Variants in MKLN1 observed in about 807,000 individuals in gnomAD.
MKLN1 encodes muskelin.
Under a neutral mutation model 99.0 loss-of-function variants are expected in MKLN1, and 18 were observed. The observed-to-expected ratio is 0.18, with a 90% confidence interval of 0.13 to 0.27. The LOEUF is 0.27. Ranked by LOEUF, MKLN1 falls within the 10% of genes least tolerant of loss-of-function variation. The pLI, the probability that MKLN1 is intolerant of heterozygous loss-of-function variation, is 1.00. For synonymous variants in MKLN1, 288 were observed against 293.2 expected, an observed-to-expected ratio of 0.98 and a Z score of 0.18; for missense variants, 621 against 875.9, an observed-to-expected ratio of 0.71 and a Z score of 3.67.
At chr7:131,473,020 A>T (rs879806635) in intron 16 of MKLN1, among the ~76,000 whole-genome samples, 4 of 152,040 alleles carry the variant, frequency 2.6e-5, no homozygotes, top group Non-Finnish European at 4.4e-5. Flanking sequence ...GCTCTTAAAG[A>T]ACAGAAAATA....
chr7:131,408,816 G>T (rs1421171263), intron 6 of MKLN1, among the ~76,000 whole-genome samples: 1 of 152,160 alleles, frequency 6.6e-6, no homozygotes, highest in African/African-American at 2.4e-5. Flanking sequence ...AACAGCTTGT[G>T]CTCAGTGAGG....
intron 3 of MKLN1, among the ~76,000 whole-genome samples, chr7:131,234,258 G>C (rs1407902546): frequency 6.6e-6 from 1 of 152,198 alleles, no homozygotes; most frequent in Non-Finnish European, 1.5e-5. Context: ...GGGATTACAG[G>C]TGTGAGACAC....
At chr7:131,255,859 G>A (rs1049781595) in intron 3 of MKLN1, among the ~76,000 whole-genome samples, 1 of 150,856 alleles carries the variant, frequency 6.6e-6, no homozygotes. Flanking sequence ...GGGATTACAG[G>A]TGTGAGCCAC....
At chr7:131,163,234 T>C (rs974452918) in intron 2 of MKLN1, among the ~76,000 whole-genome samples, 1 of 152,232 alleles carries the variant, frequency 6.6e-6, no homozygotes, top group Admixed American at 6.5e-5. Flanking sequence ...CATATCTTCA[T>C]TGTAGAGCAC....
At chr7:131,384,195 G>C (rs954825821) in intron 2 of MKLN1, among the ~76,000 whole-genome samples, 1 of 149,746 alleles carries the variant, frequency 6.7e-6, no homozygotes, top group Non-Finnish European at 1.5e-5. Context: ...GGCTGGCTCT[G>C]TGTAGTAGAT....
At chr7:131,318,752 A>T (rs1798716584) in intron 3 of MKLN1, among the ~76,000 whole-genome samples, 1 of 152,206 alleles carries the variant, frequency 6.6e-6, no homozygotes, top group South Asian at 2.1e-4. Context: ...ATAAAAAATG[A>T]TAAAGGGGAT....
At chr7:131,280,584 A>T (rs1798036028) in intron 3 of MKLN1, among the ~76,000 whole-genome samples, 1 of 152,106 alleles carries the variant, frequency 6.6e-6, no homozygotes, top group African/African-American at 2.4e-5. Context: ...CATAATGGCC[A>T]TTGGTATATA....
At chr7:131,333,393 A>T (rs1423883974) in intron 1 of MKLN1, among the ~76,000 whole-genome samples, 5 of 152,196 alleles carry the variant, frequency 3.3e-5, no homozygotes, top group South Asian at 4.1e-4. Flanking sequence ...TTATGGATAC[A>T]TTATATTCCA....
upstream of MKLN1, among the ~76,000 whole-genome samples, chr7:131,325,926 T>G (rs1798878911): frequency 1.3e-5 from 2 of 149,380 alleles, no homozygotes; most frequent in Admixed American, 1.4e-4. Flanking sequence ...GTGAGGAAGC[T>G]GGAGAGAAAA....
At chr7:131,397,949 GTTAA>G (rs1794406053) in intron 5 of MKLN1, among the ~76,000 whole-genome samples, 2 of 152,076 alleles carry the variant, frequency 1.3e-5, no homozygotes, top group African/African-American at 4.8e-5. Context: ...CCAAGAGTAA[GTTAA>G]TTATAGTTAA....
At position 131,179,747 on chromosome 7, in the gene MKLN1, T is replaced by G. The variant is rs190062987; in HGVS notation, c.-296-23110T>G. Among the ~76,000 whole-genome samples the G allele has an allele frequency of 2.4e-3, 367 of 152,102 alleles. 1 individual carries two copies. Among genetic ancestry groups the G allele is most frequent in the African/African-American group, 8.1e-3 (334 of 41,484 alleles). On this transcript the variant is annotated intron_variant, in intron 2 of 7. Transcript: ENST00000416992. ...ATGCTGCCATGCCCAGCTAATTTTT[T>G]GTATTTTTAGTAGAGAAGGGGTTTC...
rs1417252256 is a variant in MKLN1 at position 131,274,804 on chromosome 7, G to A, written c.-179+71830G>A. 2.0e-5 allele frequency among the ~76,000 whole-genome samples: 3 copies of A among 152,110 alleles called. No homozygotes were observed. The East Asian group carries it at 5.8e-4, about 29-fold the overall frequency. ...ACTTAGGCAAGTTTCTTAACTTTGA[G>A]CCTCAGTTTCCTGCTATGTGATATG... On this transcript the variant is annotated intron_variant, in intron 3 of 7. Coordinates refer to the MKLN1 transcript ENST00000416992.
intron 3 of MKLN1, among the ~76,000 whole-genome samples, chr7:131,208,887 G>C (rs1040046870): frequency 2.0e-5 from 3 of 152,202 alleles, no homozygotes; most frequent in Non-Finnish European, 4.4e-5. Flanking sequence ...GTGTTAGACT[G>C]TGAAAGGTTA....
In MKLN1 at chr7:131,496,074, A is replaced by G. The variant is rs751464772; in HGVS notation, c.*8346A>G. ...TTTAAGCAAATGTCTCTCAAAAAAA[A>G]TTGTATTTCTGTGCACATTAGCTGA... On this transcript the variant is annotated 3_prime_UTR_variant, in exon 18 of 18. Transcript: ENST00000352689. 1.3e-5 allele frequency: 2 copies of G among 151,332 alleles called. No homozygotes were observed. The highest frequency in any genetic ancestry group is 2.9e-5 in the Non-Finnish European group (2 of 68,026). The allele number at this position is 151,332 out of a possible 1,614,324, so 9.4% of individuals were successfully genotyped here.
intron 1 of MKLN1, among the ~76,000 whole-genome samples, chr7:131,353,500 G>A (rs890661126): frequency 6.6e-5 from 10 of 152,094 alleles, no homozygotes; most frequent in Non-Finnish European, 1.2e-4. Context: ...TGTTTTAGGT[G>A]TGTGTTTAGG....
intron 2 of MKLN1, among the ~76,000 whole-genome samples, chr7:131,157,170 A>G (rs1459433503): frequency 6.6e-6 from 1 of 152,208 alleles, no homozygotes; most frequent in African/African-American, 2.4e-5. Context: ...ACTTGAAGCC[A>G]GGAGTTCAAA....
upstream of MKLN1, among the ~76,000 whole-genome samples, chr7:131,326,598 G>A (rs750043078): frequency 5.3e-5 from 8 of 152,184 alleles, no homozygotes; most frequent in Non-Finnish European, 1.2e-4. Context: ...ACCCACCTCA[G>A]CCTCCCAACG....
chr7:131,151,422 A>C (rs1454441844), intron 2 of MKLN1, among the ~76,000 whole-genome samples: 1 of 152,200 alleles, frequency 6.6e-6, no homozygotes, highest in Non-Finnish European at 1.5e-5. Flanking sequence ...TGTAAAAAGG[A>C]GAAAAAAAAT....
Position 131,452,577 on chromosome 7 carries a change from A to C in MKLN1, c.1525+6674A>C, listed in dbSNP as rs533757507. On this transcript the variant is annotated intron_variant, in intron 12 of 17. Coordinates refer to ENST00000352689, the MANE Select transcript of MKLN1 (RefSeq NM_013255.5). ...TTTTTTTTTTTTTTTTTTGAGATGGAGTCCCGCCCTGTCGCCAGGCTGGAG... is the reference window on the plus strand; with the variant it reads ...TTTTTTTTTTTTTTTTTTGAGATGGCGTCCCGCCCTGTCGCCAGGCTGGAG... Among the ~76,000 whole-genome samples the C allele has an allele frequency of 6.4e-3, 594 of 92,616 alleles. 1 individual carries two copies. Among genetic ancestry groups the C allele is most frequent in the Non-Finnish European group, 8.3e-3 (431 of 51,828 alleles). 60.8% of individuals were successfully genotyped at this position (92,616 alleles called of 152,430 possible). A position where few individuals can be genotyped will look rare whatever the true frequency, so the allele number is the denominator to read the frequency against.
Sources: gnomAD v4.1 joint callset for allele counts (sites outside exome capture counted in the v4.1 genomes callset) on GRCh38, gnomAD v4.1.1 for gene constraint, MANE v1.5 for transcripts, NCBI Gene and HGNC (gene_info 2026-07-23, HGNC 2026-07-21) for gene names.